Variants in IQCM observed in about 807,000 individuals in gnomAD.
The protein encoded by IQCM is IQ domain-containing protein M.
A neutral mutation model predicts 57.6 loss-of-function variants in IQCM; 45 were observed. The observed-to-expected ratio is 0.78, with a 90% CI of 0.62 to 1.00. IQCM has a LOEUF of 1.00. Among genes scored for constraint, IQCM ranks in the 50% least tolerant of loss-of-function variants. IQCM has a pLI of 0.00. For missense variants in IQCM, 468 were observed against 511.6 expected, an observed-to-expected ratio of 0.91 and a Z score of 0.82; for synonymous variants, 148 against 158.9, an observed-to-expected ratio of 0.93 and a Z score of 0.51.
intron 7 of IQCM, among the ~76,000 whole-genome samples, chr4:149,679,783 T>C (rs940859557): frequency 7.3e-5 from 11 of 151,488 alleles, no homozygotes; most frequent in African/African-American, 2.7e-4. Flanking sequence ...TCAATGATTA[T>C]GTCAGATATT....
At chr4:149,702,588 G>C (rs887375558) in intron 5 of IQCM, among the ~76,000 whole-genome samples, 2 of 151,748 alleles carry the variant, frequency 1.3e-5, no homozygotes, top group African/African-American at 2.4e-5. Context: ...TCAAATGTCT[G>C]GTTTGTTTCA....
intron 13 of IQCM, among the ~76,000 whole-genome samples, chr4:149,387,705 A>G (rs1731522104): frequency 6.6e-6 from 1 of 152,004 alleles, no homozygotes; most frequent in Non-Finnish European, 1.5e-5. Context: ...ATGAACCATA[A>G]ATTTCACTCC....
intron 13 of IQCM, among the ~76,000 whole-genome samples, chr4:149,401,516 A>G (rs1239447542): frequency 1.3e-5 from 2 of 151,894 alleles, no homozygotes; most frequent in East Asian, 3.9e-4. Flanking sequence ...AGATATTTGT[A>G]GTCCAGTTTT....
At position 149,566,310 on chromosome 4, in the gene IQCM, A is replaced by G. The variant is rs142180279; in HGVS notation, c.750-2420T>C. Among the ~76,000 whole-genome samples, 408 of 152,328 alleles carry G rather than the reference A, an allele frequency of 2.7e-3. 3 individuals carry two copies. Among genetic ancestry groups the G allele is most frequent in the Non-Finnish European group, 4.6e-3 (312 of 68,024 alleles). On this transcript the variant is annotated intron_variant, in intron 9 of 13. Transcript: ENST00000636793. ...TAGAAATAGTTAAATACCCAAGCCA[A>G]AAAGTGAGGGAAGGTTTCATGTTCT...
chr4:149,379,060 G>T (rs1303323310), intron 13 of IQCM, among the ~76,000 whole-genome samples: 1 of 152,200 alleles, frequency 6.6e-6, no homozygotes, highest in Admixed American at 6.5e-5. Context: ...CTTCCATGTG[G>T]TGTTGAGCCT....
chr4:149,659,227 T>C (rs573961076), intron 7 of IQCM, among the ~76,000 whole-genome samples: 1 of 152,088 alleles, frequency 6.6e-6, no homozygotes, highest in African/African-American at 2.4e-5. Flanking sequence ...TGAACTCCCA[T>C]TCACAATTGC....
intron 12 of IQCM, among the ~76,000 whole-genome samples, chr4:149,502,567 A>T (rs1035679991): frequency 5.3e-5 from 8 of 152,058 alleles, no homozygotes; most frequent in Non-Finnish European, 1.5e-5. Context: ...CTAGCTACTC[A>T]GGAGGCTGAG....
chr4:149,627,001 C>T (rs890437194), intron 7 of IQCM, among the ~76,000 whole-genome samples: 21 of 152,186 alleles, frequency 1.4e-4, no homozygotes, highest in Non-Finnish European at 2.2e-4. Context: ...AACTGATTCC[C>T]TTTTCCTACC....
chr4:149,530,884 A>C (rs1746679910), intron 12 of IQCM, among the ~76,000 whole-genome samples: 1 of 148,352 alleles, frequency 6.7e-6, no homozygotes. Flanking sequence ...CAGGTAGAGA[A>C]ATAGAGAGGC....
intron 12 of IQCM, among the ~76,000 whole-genome samples, chr4:149,500,634 G>A (rs1743142621): frequency 6.6e-6 from 1 of 152,084 alleles, no homozygotes; most frequent in African/African-American, 2.4e-5. Flanking sequence ...AGAAACCATA[G>A]AAATGTTGAC....
intron 12 of IQCM, among the ~76,000 whole-genome samples, chr4:149,477,886 G>A (rs968782588): frequency 3.9e-5 from 6 of 152,062 alleles, no homozygotes; most frequent in African/African-American, 1.2e-4. Flanking sequence ...TCAAAGAAAG[G>A]TCTTGTACAG....
intron 12 of IQCM, among the ~76,000 whole-genome samples, chr4:149,516,880 G>T (rs1475955683): frequency 6.6e-6 from 1 of 152,016 alleles, no homozygotes; most frequent in Non-Finnish European, 1.5e-5. Flanking sequence ...AGGCTAAGAA[G>T]GGAGTTACAG....
intron 2 of IQCM, among the ~76,000 whole-genome samples, chr4:149,751,151 A>C (rs2149934601): frequency 6.6e-6 from 1 of 152,312 alleles, no homozygotes; most frequent in Non-Finnish European, 1.5e-5. Context: ...AGAGCAACAT[A>C]GGGCTGTAAG....
intron 2 of IQCM, among the ~76,000 whole-genome samples, chr4:149,746,143 G>T (rs1486480461): frequency 6.6e-6 from 1 of 151,718 alleles, no homozygotes; most frequent in Non-Finnish European, 1.5e-5. Flanking sequence ...ATGGCAAATG[G>T]AAGTCCTCAT....
intron 5 of IQCM, among the ~76,000 whole-genome samples, chr4:149,713,131 G>A (rs990138627): frequency 6.6e-6 from 1 of 152,098 alleles, no homozygotes; most frequent in African/African-American, 2.4e-5. Context: ...GCTGCTTGAT[G>A]AGCTCATTCT....
At chr4:149,687,025 T>C (rs1762589801) in intron 5 of IQCM, among the ~76,000 whole-genome samples, 1 of 151,678 alleles carries the variant, frequency 6.6e-6, no homozygotes, top group South Asian at 2.1e-4. Flanking sequence ...AAAATACTCA[T>C]TACTTTCTAT....
Position 149,394,524 on chromosome 4 carries a change from C to T in IQCM, c.1390+38872G>A, listed in dbSNP as rs150354533. Among the ~76,000 whole-genome samples, 452 of 152,022 alleles carry T rather than the reference C, an allele frequency of 3.0e-3. 1 individual carries two copies. Among genetic ancestry groups the T allele is most frequent in the Middle Eastern group, 6.8e-3 (2 of 294 alleles). On this transcript the variant is annotated intron_variant, in intron 13 of 13. Coordinates refer to ENST00000636793, the MANE Select transcript of IQCM (RefSeq NM_001363507.2). Reference sequence around the variant, plus strand: ...TAATTTATGTACCTCCTTAGGTTTGCGCAGTCACACCTGCCTATGGAGAGA... The same window carrying T: ...TAATTTATGTACCTCCTTAGGTTTGTGCAGTCACACCTGCCTATGGAGAGA...
intron 12 of IQCM, among the ~76,000 whole-genome samples, chr4:149,471,168 A>G (rs1739494034): frequency 1.3e-5 from 2 of 152,224 alleles, no homozygotes; most frequent in African/African-American, 2.4e-5. Context: ...CAAAAAATCA[A>G]TGAATCCAGG....
chr4:149,500,748 A>C (rs969123806), intron 12 of IQCM, among the ~76,000 whole-genome samples: 1 of 152,208 alleles, frequency 6.6e-6, no homozygotes, highest in African/African-American at 2.4e-5. Flanking sequence ...AGGGTCAGTA[A>C]GAAAATCTAA....
Sources: allele counts gnomAD v4.1 joint callset (sites outside exome capture counted in the v4.1 genomes callset), GRCh38; gene constraint gnomAD v4.1.1; transcripts MANE v1.5; gene names NCBI Gene and HGNC (gene_info 2026-07-23, HGNC 2026-07-21).